STXBP5L: variants seen among roughly 807,000 people sequenced by gnomAD.
STXBP5L encodes the protein syntaxin-binding protein 5-like.
STXBP5L carries 65 observed loss-of-function variants against 144.5 expected under a neutral mutation model. The ratio of observed to expected loss-of-function variants is 0.45; its 90% CI spans 0.37 to 0.55. The LOEUF is 0.55. STXBP5L is among the 20% of genes least tolerant of loss of function. The probability of loss-of-function intolerance (pLI) is 0.00; values close to 1 mark genes in which losing one functional copy is unlikely to be tolerated. For synonymous variants in STXBP5L, 505 were observed against 469.6 expected (o/e 1.08, Z -0.97); for missense variants, 1,298 against 1,405.5 (o/e 0.92, Z 1.22).
At chr3:121,272,796 A>T (rs2050768607) in intron 18 of STXBP5L, among the ~76,000 whole-genome samples, 6 of 152,040 alleles carry the variant, frequency 3.9e-5, no homozygotes, top group Admixed American at 3.3e-4. Flanking sequence ...TCTGTTTTAC[A>T]ACTACGATGA....
At chr3:121,082,669 C>A (rs1299483265) in intron 5 of STXBP5L, among the ~76,000 whole-genome samples, 6 of 152,150 alleles carry the variant, frequency 3.9e-5, no homozygotes, top group Non-Finnish European at 7.4e-5. Context: ...AGGGACATGA[C>A]AGTGTGTGTG....
At chr3:121,174,285 A>C (rs956691289) in intron 9 of STXBP5L, among the ~76,000 whole-genome samples, 5 of 152,126 alleles carry the variant, frequency 3.3e-5, no homozygotes, top group Admixed American at 2.0e-4. Context: ...ATTTGTATAT[A>C]TTTTATGGTA....
chr3:121,078,864 G>A (rs181917627), intron 5 of STXBP5L, among the ~76,000 whole-genome samples: 2,285 of 152,352 alleles, frequency 0.015, 64 homozygotes, highest in African/African-American at 0.052. Context: ...GGCCCGCCAA[G>A]CCCATGCCCA....
chr3:121,139,523 A>G (rs916297529), intron 7 of STXBP5L, among the ~76,000 whole-genome samples: 2 of 152,082 alleles, frequency 1.3e-5, no homozygotes, highest in African/African-American at 4.8e-5. Flanking sequence ...AACCTAGGCA[A>G]TGTGGCTCAG....
intron 9 of STXBP5L, among the ~76,000 whole-genome samples, chr3:121,203,342 CT>C (rs2048211634): frequency 6.6e-6 from 1 of 152,104 alleles, no homozygotes; most frequent in East Asian, 1.9e-4. Context: ...TCAAATTGGC[CT>C]GTCAGTAAAA....
At chr3:120,926,311 G>GT (rs1345891121) in intron 2 of STXBP5L, among the ~76,000 whole-genome samples, 1 of 148,374 alleles carries the variant, frequency 6.7e-6, no homozygotes, top group Non-Finnish European at 1.5e-5. Context: ...CTCCTTCATA[G>GT]TTGAAGAACA....
At chr3:121,166,608 C>T (rs2046509404) in intron 9 of STXBP5L, among the ~76,000 whole-genome samples, 1 of 152,068 alleles carries the variant, frequency 6.6e-6, no homozygotes, top group South Asian at 2.1e-4. Flanking sequence ...TCCTACTATT[C>T]TAATGTCTGC....
intron 3 of STXBP5L, among the ~76,000 whole-genome samples, chr3:120,985,878 T>C (rs9818311): frequency 0.099 from 15,053 of 151,958 alleles, 1,174 homozygotes; most frequent in Admixed American, 0.2. Flanking sequence ...AACTTTTGGT[T>C]TCACTGATTT....
chr3:121,202,502 T>C (rs924500119), intron 9 of STXBP5L, among the ~76,000 whole-genome samples: 6 of 152,192 alleles, frequency 3.9e-5, no homozygotes, highest in Admixed American at 1.3e-4. Context: ...GGTACTCTGT[T>C]CTTTGTGTAG....
Position 121,419,230 on chromosome 3 carries a change from C to A in STXBP5L, c.*133C>A. The A allele has an allele frequency of 1.1e-6, 1 of 908,468 alleles. No homozygotes were observed. The highest frequency in any genetic ancestry group is 1.6e-6 in the Non-Finnish European group (1 of 616,390). 56.3% of individuals were successfully genotyped at this position (908,468 alleles called of 1,614,324 possible). A position where few individuals can be genotyped will look rare whatever the true frequency, so the allele number is the denominator to read the frequency against. On this transcript the variant is annotated 3_prime_UTR_variant, in exon 27 of 27. Coordinates refer to ENST00000471454, the MANE Select transcript of STXBP5L (RefSeq NM_001308330.2). Reference sequence around the variant, plus strand: ...CCATTTACAGTCAATCTGAAATTTTCATAAAAGAGATGTATCAGAGACACT... The same window carrying A: ...CCATTTACAGTCAATCTGAAATTTTAATAAAAGAGATGTATCAGAGACACT...
chr3:121,219,487 C>T (rs972291743), intron 10 of STXBP5L, among the ~76,000 whole-genome samples: 3 of 152,118 alleles, frequency 2.0e-5, no homozygotes, highest in Admixed American at 2.0e-4. Flanking sequence ...ACTTGCTTTA[C>T]ATTTCCAGAG....
chr3:121,004,615 C>G (rs1267705353), intron 3 of STXBP5L, among the ~76,000 whole-genome samples: 1 of 152,076 alleles, frequency 6.6e-6, no homozygotes, highest in Non-Finnish European at 1.5e-5. Flanking sequence ...GAGAGGGCAT[C>G]CCTGTCTTGT....
intron 20 of STXBP5L, 62 bp from the exon 21 acceptor site, chr3:121,378,654 T>C (rs975578557): frequency 7.9e-6 from 12 of 1,518,020 alleles, no homozygotes; most frequent in Non-Finnish European, 1.1e-5. Flanking sequence ...TCTACACGCT[T>C]GTATTCCTTT....
chr3:121,321,763 G>A (rs2043978512), intron 20 of STXBP5L, among the ~76,000 whole-genome samples: 1 of 152,176 alleles, frequency 6.6e-6, no homozygotes, highest in Admixed American at 6.5e-5. Flanking sequence ...AAAGATTGAT[G>A]CAAATGTCTC....
intron 5 of STXBP5L, among the ~76,000 whole-genome samples, chr3:121,073,711 C>A (rs1455554173): frequency 6.6e-6 from 1 of 152,162 alleles, no homozygotes; most frequent in Non-Finnish European, 1.5e-5. Flanking sequence ...ATTCTTCCCC[C>A]CTGCCCCCGC....
At chr3:121,003,170 C>G (rs1943938497) in intron 3 of STXBP5L, among the ~76,000 whole-genome samples, 1 of 152,132 alleles carries the variant, frequency 6.6e-6, no homozygotes, top group South Asian at 2.1e-4. Context: ...ACAGTCCCAC[C>G]AACAGTGTAA....
rs547701477 is a variant in STXBP5L, at chr3:120,982,808, G to C, written c.287+27771G>C. On this transcript the variant is annotated intron_variant, in intron 3 of 26. Transcript: ENST00000471454. Reference sequence around the variant, plus strand: ...TCAGGTGCCAGTTGTGGTGGACTGGGCTAGGCAGTCCCCCAATTTCCAGGC... The same window carrying C: ...TCAGGTGCCAGTTGTGGTGGACTGGCCTAGGCAGTCCCCCAATTTCCAGGC... 3.2e-4 allele frequency among the ~76,000 whole-genome samples: 48 copies of C among 152,322 alleles called. No homozygotes were observed. In the South Asian group the frequency reaches 9.8e-3, roughly 31 times the overall value.
At chr3:120,935,422 TA>T (rs1223776793) in intron 2 of STXBP5L, among the ~76,000 whole-genome samples, 3 of 129,320 alleles carry the variant, frequency 2.3e-5, no homozygotes, top group African/African-American at 8.6e-5. Flanking sequence ...GAATTTAATT[TA>T]AAAAGTTTTT....
chr3:121,167,860 T>C (rs1460835429), intron 9 of STXBP5L, among the ~76,000 whole-genome samples: 1 of 152,086 alleles, frequency 6.6e-6, no homozygotes, highest in Admixed American at 6.5e-5. Context: ...CTCAAGTGGG[T>C]CCCTGACCCC....
Sources: allele counts gnomAD v4.1 joint callset (sites outside exome capture counted in the v4.1 genomes callset), GRCh38; gene constraint gnomAD v4.1.1; transcripts MANE v1.5; gene names NCBI Gene and HGNC (gene_info 2026-07-23, HGNC 2026-07-21).